The following CHODL variants were observed in gnomAD, a reference collection of about 807,000 sequenced individuals.
CHODL encodes chondrolectin, also known as transmembrane protein MT75.
A neutral mutation model predicts 34.5 loss-of-function variants in CHODL; 29 were observed. That is an observed-to-expected ratio of 0.84 (90% CI 0.63 to 1.15). The LOEUF is 1.15. CHODL is among the 50% of genes most tolerant of loss of function. CHODL has a pLI of 0.00. For synonymous variants in CHODL, 125 were observed against 116.1 expected (o/e 1.08, Z -0.49); for missense variants, 332 against 332.5 (o/e 1.00, Z 0.01).
At chr21:18,259,536 A>G (rs992227363) in intron 3 of CHODL, among the ~76,000 whole-genome samples, 1 of 152,234 alleles carries the variant, frequency 6.6e-6, no homozygotes, top group African/African-American at 2.4e-5. Flanking sequence ...TTAGAAGAAC[A>G]ATAAAAAATA....
rs2064003745 is a variant in CHODL, at chr21:18,010,232, G to T, written c.-144-17640G>T. 3.1e-5 allele frequency among the ~76,000 whole-genome samples: 4 copies of T among 129,166 alleles called. No individual in the cohort carries two copies. The South Asian group carries it at 1.1e-3, about 34-fold the overall frequency. 84.7% of individuals were successfully genotyped at this position (129,166 alleles called of 152,430 possible). On this transcript the variant is annotated intron_variant, in intron 1 of 6. Coordinates refer to the CHODL transcript ENST00000400127. ...GAATGGCGGGAACCCGGGAGGTGGA[G>T]CTTGCAGTGAGCCGAGATCGCGCCA... is the stretch of plus-strand genomic sequence containing the variant.
chr21:17,941,286 CT>C (rs34255623), intron 1 of CHODL, among the ~76,000 whole-genome samples: 50,749 of 88,016 alleles, frequency 0.58, 13,511 homozygotes, highest in East Asian at 0.89. Flanking sequence ...TAACTTGCCT[CT>C]TTTTTTTTTT....
At chr21:18,229,287 C>T (rs2073957942) in intron 2 of CHODL, among the ~76,000 whole-genome samples, 1 of 152,074 alleles carries the variant, frequency 6.6e-6, no homozygotes, top group Non-Finnish European at 1.5e-5. Context: ...TTTTGAATAG[C>T]AAACAACCCA....
At chr21:18,021,525 A>G (rs1054944143) in intron 1 of CHODL, among the ~76,000 whole-genome samples, 1 of 152,184 alleles carries the variant, frequency 6.6e-6, no homozygotes, top group African/African-American at 2.4e-5. Context: ...CCTTAGCTCA[A>G]AGGACTTCAG....
intron 1 of CHODL, among the ~76,000 whole-genome samples, chr21:18,003,662 G>A (rs2063932634): frequency 1.3e-5 from 2 of 152,214 alleles, no homozygotes; most frequent in South Asian, 4.1e-4. Context: ...TTTTATTTGT[G>A]TCCTTTTTTT....
At chr21:18,258,729 TTAA>T (rs1441766965) in intron 3 of CHODL, among the ~76,000 whole-genome samples, 2 of 152,076 alleles carry the variant, frequency 1.3e-5, no homozygotes, top group Non-Finnish European at 2.9e-5. Flanking sequence ...GTTGGCCTTA[TTAA>T]TGTGCTCAGG....
chr21:18,135,194 T>G (rs1399886952), intron 2 of CHODL, among the ~76,000 whole-genome samples: 1 of 152,204 alleles, frequency 6.6e-6, no homozygotes. Context: ...AGGAAAATTC[T>G]ATTTCATCCT....
Position 18,077,526 on chromosome 21 carries a change from A to G in CHODL, c.-45+49555A>G, listed in dbSNP as rs1475767438. Among the ~76,000 whole-genome samples, 5 of 152,272 alleles carry G rather than the reference A, an allele frequency of 3.3e-5. 1 individual carries two copies. In the East Asian group the frequency reaches 9.7e-4, roughly 29 times the overall value. ...TTGTGTCCCTCTAAAATTTATATGT[A>G]GAAATCCTTACCTCTAAGGTGATTG... On this transcript the variant is annotated intron_variant, in intron 2 of 6. Transcript: ENST00000400127.
intron 1 of CHODL, among the ~76,000 whole-genome samples, chr21:18,005,724 C>T (rs139785063): frequency 0.019 from 2,842 of 152,262 alleles, 45 homozygotes; most frequent in Non-Finnish European, 0.028. Flanking sequence ...GAGCTAGGCC[C>T]CTTTTGTAGT....
intron 1 of CHODL, 80 bp from the exon 2 acceptor site, chr21:18,256,429 G>T (rs192901922): frequency 3.8e-6 from 5 of 1,302,216 alleles, no homozygotes; most frequent in Non-Finnish European, 1.1e-6. Flanking sequence ...GCTTTGACTG[G>T]TTCTTACATT....
intron 2 of CHODL, among the ~76,000 whole-genome samples, chr21:18,086,751 G>A (rs1476915456): frequency 1.3e-5 from 2 of 152,192 alleles, no homozygotes; most frequent in South Asian, 4.1e-4. Context: ...GGGCAAATGT[G>A]TCTGTTTTTC....
At chr21:18,183,406 C>T (rs1053670827) in intron 2 of CHODL, among the ~76,000 whole-genome samples, 2 of 152,196 alleles carry the variant, frequency 1.3e-5, no homozygotes, top group African/African-American at 4.8e-5. Context: ...ACCATGTCAT[C>T]TAAGTGCCTC....
chr21:18,171,117 T>G (rs891786816), intron 2 of CHODL, among the ~76,000 whole-genome samples: 115 of 150,400 alleles, frequency 7.6e-4, no homozygotes, highest in African/African-American at 2.5e-3. Context: ...AGAATTTGTT[T>G]TTTTTTTTAA....
At chr21:18,030,295 T>G (rs2064232473) in intron 2 of CHODL, among the ~76,000 whole-genome samples, 1 of 152,196 alleles carries the variant, frequency 6.6e-6, no homozygotes, top group South Asian at 2.1e-4. Flanking sequence ...AGGAACTACC[T>G]GGTTGCCAGT....
intron 1 of CHODL, among the ~76,000 whole-genome samples, chr21:17,948,587 A>G (rs2063431610): frequency 6.6e-6 from 1 of 152,092 alleles, no homozygotes; most frequent in East Asian, 1.9e-4. Flanking sequence ...CATTACAACT[A>G]CAGAAATATA....
rs34968795 is a variant in CHODL, at chr21:18,263,901, C to CTTTTT, written c.737+1019_737+1023dup. 3.9e-3 allele frequency among the ~76,000 whole-genome samples: 548 copies of CTTTTT among 141,362 alleles called. 9 individuals carry two copies. The highest frequency in any genetic ancestry group is 0.014 in the African/African-American group (527 of 38,416). 92.7% of individuals were successfully genotyped at this position (141,362 alleles called of 152,430 possible). On this transcript the variant is annotated intron_variant, in intron 5 of 5. Transcript: ENST00000299295. Reference sequence around the variant, plus strand: ...TCTACACAAAAGCCACATTAATAACCTTTTTTTTTTTTTTTACCATTTAGA... The same window carrying CTTTTT: ...TCTACACAAAAGCCACATTAATAACCTTTTTTTTTTTTTTTTTTTTACCATTTAGA...
rs1179587947 is a variant in CHODL at position 18,256,567 on chromosome 21, T to C, written c.138T>C (p.His46=). The C allele has an allele frequency of 1.2e-6, 2 of 1,613,968 alleles. No homozygotes were observed. Among genetic ancestry groups the C allele is most frequent in the Non-Finnish European group, 8.5e-7 (1 of 1,179,986 alleles). ...KHPCYKMAYF[H]ELSSRVSFQE... ...CCTGCTACAAAATGGCCTACTTCCA[T>C]GAACTGTCCAGCCGAGTGAGCTTTC... Residue 46 remains histidine, a synonymous_variant, in exon 2 of 6, where the codon CAT becomes CAC. Transcript: ENST00000299295.
At chr21:18,154,774 C>T (rs2073013312) in intron 2 of CHODL, among the ~76,000 whole-genome samples, 1 of 152,090 alleles carries the variant, frequency 6.6e-6, no homozygotes, top group African/African-American at 2.4e-5. Context: ...ATGGTGTGTT[C>T]TGTAAGTGTA....
intron 2 of CHODL, among the ~76,000 whole-genome samples, chr21:18,130,396 G>C (rs2072640406): frequency 1.3e-5 from 2 of 152,168 alleles, no homozygotes; most frequent in Admixed American, 6.5e-5. Flanking sequence ...CAGCCTTTGT[G>C]CATAGTTAAA....
Sources: gnomAD v4.1 joint callset for allele counts (sites outside exome capture counted in the v4.1 genomes callset) on GRCh38, gnomAD v4.1.1 for gene constraint, MANE v1.5 for transcripts, NCBI Gene and HGNC (gene_info 2026-07-23, HGNC 2026-07-21) for gene names.